Variants in PTPRT observed in about 807,000 individuals in gnomAD.
PTPRT encodes the protein protein tyrosine phosphatase receptor type T.
Under a neutral mutation model 176.8 loss-of-function variants are expected in PTPRT, and 56 were observed. The observed-to-expected ratio is 0.32, with a 90% CI of 0.26 to 0.40. The LOEUF is 0.40. PTPRT is among the 10% of genes least tolerant of loss of function. PTPRT has a pLI of 1.00. For synonymous variants in PTPRT, 783 were observed against 739.0 expected (o/e 1.06, Z -0.96); for missense variants, 1,540 against 1,908.2 (o/e 0.81, Z 3.60).
At chr20:42,205,358 G>A (rs1265976594) in intron 15 of PTPRT, among the ~76,000 whole-genome samples, 5 of 152,076 alleles carry the variant, frequency 3.3e-5, no homozygotes, top group Non-Finnish European at 7.3e-5. Flanking sequence ...TTAATTTGTT[G>A]GACAAATAGT....
Position 42,926,690 on chromosome 20 carries a change from C to T in PTPRT, c.89-40758G>A, listed in dbSNP as rs146569566. ...CCAGCCTCTGCTTCCTCCCCGTGTGCCCAAGGACCTGTTTCTGAACCTCTC... is the reference window on the plus strand; with the variant it reads ...CCAGCCTCTGCTTCCTCCCCGTGTGTCCAAGGACCTGTTTCTGAACCTCTC... On this transcript the variant is annotated intron_variant, in intron 1 of 30. Coordinates refer to ENST00000373187, the MANE Select transcript of PTPRT (RefSeq NM_007050.6). Among the ~76,000 whole-genome samples, 386 of 152,224 alleles carry T rather than the reference C, an allele frequency of 2.5e-3. 1 individual carries two copies. Among genetic ancestry groups the T allele is most frequent in the African/African-American group, 8.8e-3 (364 of 41,530 alleles).
At chr20:42,929,203 A>C (rs982559100) in intron 1 of PTPRT, among the ~76,000 whole-genome samples, 6 of 152,276 alleles carry the variant, frequency 3.9e-5, no homozygotes, top group Non-Finnish European at 7.3e-5. Flanking sequence ...TACTCAGTGA[A>C]GTGTTCTTTA....
At chr20:42,113,379 TGG>T (rs1057067150) in intron 22 of PTPRT, among the ~76,000 whole-genome samples, 3 of 152,240 alleles carry the variant, frequency 2.0e-5, no homozygotes, top group Admixed American at 1.3e-4. Context: ...CTGGTACCCC[TGG>T]GTCCTCTTCC....
intron 7 of PTPRT, among the ~76,000 whole-genome samples, chr20:42,592,625 G>A (rs971439095): frequency 6.6e-6 from 1 of 152,188 alleles, no homozygotes; most frequent in Non-Finnish European, 1.5e-5. Context: ...AAAAAAAGAC[G>A]TGGAGGTATG....
intron 7 of PTPRT, among the ~76,000 whole-genome samples, chr20:42,473,276 C>T (rs1240620899): frequency 6.6e-6 from 1 of 152,170 alleles, no homozygotes; most frequent in Admixed American, 6.5e-5. Context: ...CACTCCATGC[C>T]TCCTATTGAT....
At chr20:42,622,389 C>A (rs975437360) in intron 7 of PTPRT, among the ~76,000 whole-genome samples, 2 of 152,056 alleles carry the variant, frequency 1.3e-5, no homozygotes, top group African/African-American at 4.8e-5. Context: ...CTACAGGCAC[C>A]CGCCAACATG....
At chr20:43,020,239 ATT>A (rs397829881) in intron 1 of PTPRT, among the ~76,000 whole-genome samples, 1 of 147,482 alleles carries the variant, frequency 6.8e-6, no homozygotes, top group African/African-American at 2.5e-5. Flanking sequence ...ATATATATAT[ATT>A]TATGTTATAT....
the PTPRT span, among the ~76,000 whole-genome samples, chr20:42,066,489 CAA>C: frequency 6.6e-6 from 1 of 151,954 alleles, no homozygotes; most frequent in Non-Finnish European, 1.5e-5. Context: ...GGTATCTGTG[CAA>C]TTTCTTCATA....
intron 15 of PTPRT, among the ~76,000 whole-genome samples, chr20:42,205,143 A>T (rs1490074392): frequency 5.9e-5 from 9 of 151,918 alleles, no homozygotes; most frequent in Non-Finnish European, 1.2e-4. Flanking sequence ...TGGGTGCAGC[A>T]CACCAACATG....
At chr20:43,079,662 T>C (rs1341987902) in intron 1 of PTPRT, among the ~76,000 whole-genome samples, 1 of 152,308 alleles carries the variant, frequency 6.6e-6, no homozygotes, top group East Asian at 1.9e-4. Flanking sequence ...TTCTATTATA[T>C]ATTCTTAATT....
chr20:42,956,288 G>T (rs767614271), intron 1 of PTPRT, among the ~76,000 whole-genome samples: 7 of 152,132 alleles, frequency 4.6e-5, no homozygotes, highest in Non-Finnish European at 1.0e-4. Flanking sequence ...GATCATGGGG[G>T]TGGGATCCTC....
At chr20:42,781,072 A>T (rs1378601527) in intron 3 of PTPRT, among the ~76,000 whole-genome samples, 1 of 152,064 alleles carries the variant, frequency 6.6e-6, no homozygotes. Flanking sequence ...ACTCCGGCAC[A>T]GTCTCTACCG....
At chr20:42,497,261 G>A (rs1304941530) in intron 7 of PTPRT, among the ~76,000 whole-genome samples, 1 of 152,094 alleles carries the variant, frequency 6.6e-6, no homozygotes, top group African/African-American at 2.4e-5. Context: ...AAATCCTGGT[G>A]CTCACTTCTC....
At chr20:42,766,341 G>T (rs2076982392) in intron 5 of PTPRT, among the ~76,000 whole-genome samples, 1 of 152,198 alleles carries the variant, frequency 6.6e-6, no homozygotes, top group Non-Finnish European at 1.5e-5. Flanking sequence ...AAGGAGAAAT[G>T]ATCCCAGGAC....
At chr20:42,250,499 T>C (rs1020043705) in intron 13 of PTPRT, among the ~76,000 whole-genome samples, 1 of 152,160 alleles carries the variant, frequency 6.6e-6, no homozygotes, top group African/African-American at 2.4e-5. Context: ...GCACCCCCTT[T>C]TTTTTTGCTT....
chr20:42,845,680 G>C (rs578183251), intron 2 of PTPRT, among the ~76,000 whole-genome samples: 2 of 152,332 alleles, frequency 1.3e-5, no homozygotes, highest in East Asian at 3.9e-4. Flanking sequence ...CTGGATGCAG[G>C]AGTCCAAGAC....
intron 1 of PTPRT, among the ~76,000 whole-genome samples, chr20:43,052,900 T>A (rs1350450442): frequency 1.1e-4 from 17 of 152,242 alleles, no homozygotes; most frequent in Admixed American, 1.1e-3. Context: ...AATTACCAGA[T>A]AACCTGGCAG....
rs567938509 is a variant in PTPRT at position 42,537,561 on chromosome 20, T to G, written c.1154-64999A>C. Among the ~76,000 whole-genome samples, 9 of 152,320 alleles carry G rather than the reference T, an allele frequency of 5.9e-5. No individual in the cohort carries two copies. In the East Asian group the frequency reaches 1.5e-3, roughly 26 times the overall value. On this transcript the variant is annotated intron_variant, in intron 7 of 30. Transcript: ENST00000373187. ...TGATGAAAGTGAGGTTTGGCTTAAG[T>G]GACTTGCTCAGTTAGTAAGGCACAG...
At chr20:42,368,439 C>T (rs76912633) in intron 9 of PTPRT, among the ~76,000 whole-genome samples, 10,602 of 152,214 alleles carry the variant, frequency 0.07, 377 homozygotes, top group Middle Eastern at 0.11. Flanking sequence ...ACCCCGAGAT[C>T]TTGAAACCCA....
Sources: allele counts gnomAD v4.1 joint callset (sites outside exome capture counted in the v4.1 genomes callset), GRCh38; gene constraint gnomAD v4.1.1; transcripts MANE v1.5; gene names NCBI Gene and HGNC (gene_info 2026-07-23, HGNC 2026-07-21).